BTBD10: variants seen among roughly 807,000 people sequenced by gnomAD.
BTBD10 encodes the protein BTB domain containing 10, also known as BTB/POZ domain-containing protein 10.
BTBD10 carries 21 observed loss-of-function variants against 53.2 expected under a neutral mutation model. The ratio of observed to expected loss-of-function variants is 0.39; its 90% confidence interval spans 0.28 to 0.57. BTBD10 has a LOEUF of 0.57. BTBD10 is among the 20% of genes least tolerant of loss of function. The pLI, the probability that BTBD10 is intolerant of heterozygous loss-of-function variation, is 0.53. For missense variants in BTBD10, 360 were observed against 594.7 expected, an observed-to-expected ratio of 0.61 and a Z score of 4.10; for synonymous variants, 149 against 192.7, an observed-to-expected ratio of 0.77 and a Z score of 1.88.
chr11:13,409,943 T>A (rs1030233721), intron 6 of BTBD10, among the ~76,000 whole-genome samples: 1 of 152,046 alleles, frequency 6.6e-6, no homozygotes, highest in South Asian at 2.1e-4. Flanking sequence ...TAGAAATGAA[T>A]AGTTGATCAG....
chr11:13,459,414 A>T (rs1951043523), intron 1 of BTBD10, among the ~76,000 whole-genome samples: 1 of 152,130 alleles, frequency 6.6e-6, no homozygotes, highest in South Asian at 2.1e-4. Flanking sequence ...TCTCAAAGTA[A>T]ACCCGAGCAA....
At chr11:13,449,801 C>T (rs2134044418) in intron 1 of BTBD10, among the ~76,000 whole-genome samples, 1 of 152,290 alleles carries the variant, frequency 6.6e-6, no homozygotes, top group East Asian at 1.9e-4. Context: ...GCTGGGCTCA[C>T]TTTTATAATA....
At chr11:13,422,446 G>A (rs886294217) in intron 2 of BTBD10, among the ~76,000 whole-genome samples, 13 of 152,022 alleles carry the variant, frequency 8.6e-5, no homozygotes, top group Admixed American at 3.9e-4. Context: ...TCAGGAGTTC[G>A]AGACCAGCCT....
At chr11:13,425,824 A>T (rs1014339149) in intron 2 of BTBD10, among the ~76,000 whole-genome samples, 3 of 152,206 alleles carry the variant, frequency 2.0e-5, no homozygotes, top group African/African-American at 7.2e-5. Context: ...ATGTATTGAA[A>T]TATCACTCAG....
At chr11:13,392,620 T>C (rs1949437847) in intron 8 of BTBD10, among the ~76,000 whole-genome samples, 1 of 152,064 alleles carries the variant, frequency 6.6e-6, no homozygotes, top group Non-Finnish European at 1.5e-5. Flanking sequence ...TGTATGCAGT[T>C]CCAGAAACAT....
chr11:13,451,285 T>C (rs949336538), intron 1 of BTBD10, among the ~76,000 whole-genome samples: 6 of 152,178 alleles, frequency 3.9e-5, no homozygotes, highest in Non-Finnish European at 8.8e-5. Context: ...CTAAGCTGAA[T>C]GTATTCCCCA....
chr11:13,438,526 T>C (rs1273667502), intron 2 of BTBD10, among the ~76,000 whole-genome samples: 3 of 152,030 alleles, frequency 2.0e-5, no homozygotes. Context: ...TTTAAAATTA[T>C]GCAATAGAAG....
intron 2 of BTBD10, among the ~76,000 whole-genome samples, chr11:13,428,609 A>G (rs1039461715): frequency 3.3e-5 from 5 of 152,200 alleles, no homozygotes; most frequent in African/African-American, 1.2e-4. Context: ...AAAACCACAA[A>G]TCTTAGAACA....
At chr11:13,435,771 G>A (rs1591152653) in intron 2 of BTBD10, among the ~76,000 whole-genome samples, 1 of 152,182 alleles carries the variant, frequency 6.6e-6, no homozygotes, top group East Asian at 1.9e-4. Context: ...AATTACAGGC[G>A]TGAGCCACCA....
At chr11:13,420,433 A>G (rs917917459) in intron 3 of BTBD10, among the ~76,000 whole-genome samples, 1 of 152,140 alleles carries the variant, frequency 6.6e-6, no homozygotes, top group Non-Finnish European at 1.5e-5. Context: ...ATGATCTATA[A>G]TTACAGTCTG....
chr11:13,421,806 T>C lies in BTBD10; in HGVS notation c.134A>G (p.Asp45Gly), dbSNP rs143512475. 2.5e-5 allele frequency: 40 copies of C among 1,613,434 alleles called. No homozygotes were observed. The African/African-American group carries it at 3.6e-4, about 15-fold the overall frequency. Reference protein sequence around the residue: ...TSSRIAKGGVDHTKMSLHGAS... With the variant: ...TSSRIAKGGVGHTKMSLHGAS... ...ACCATGTAGACTCATTTTGGTGTGG[T>C]CAACTCCTCCTTTAGCAATACGCGA... Residue 45 changes from aspartate to glycine, a missense_variant, in exon 3 of 9, where the codon GAC becomes GGC. Asp to Gly is a moderately conservative substitution (Grantham distance 94). This residue lies in a region of BTBD10 where 81 missense variants were observed against 82.6 expected (regional missense o/e 0.98). Coordinates refer to ENST00000278174, the MANE Select transcript of BTBD10 (RefSeq NM_032320.7).
chr11:13,419,808 T>C (rs979418409), intron 3 of BTBD10, 63 bp from the exon 4 acceptor site: 6 of 1,323,172 alleles, frequency 4.5e-6, no homozygotes, highest in Non-Finnish European at 6.2e-6. Flanking sequence ...GATTTATATA[T>C]ATCTTTTTAA....
intron 2 of BTBD10, among the ~76,000 whole-genome samples, chr11:13,423,523 G>T (rs775641210): frequency 6.6e-6 from 1 of 152,144 alleles, no homozygotes; most frequent in Non-Finnish European, 1.5e-5. Context: ...TGCAAGACTT[G>T]CTCAGGGTCA....
chr11:13,432,020 T>C (rs577995337), intron 2 of BTBD10, among the ~76,000 whole-genome samples: 15 of 152,186 alleles, frequency 9.9e-5, no homozygotes, highest in African/African-American at 3.1e-4. Context: ...TAGAATATTA[T>C]TCAGCAATTA....
At chr11:13,440,078 C>T in intron 2 of BTBD10, 1 of 1,525,408 alleles carries the variant, frequency 6.6e-7, no homozygotes, top group Non-Finnish European at 8.8e-7. Flanking sequence ...CAGAAAATTC[C>T]CCAGTCTCCC....
intron 2 of BTBD10, among the ~76,000 whole-genome samples, chr11:13,444,490 G>T (rs917131658): frequency 3.9e-5 from 6 of 151,976 alleles, no homozygotes; most frequent in African/African-American, 9.7e-5. Context: ...ATAGATAGAT[G>T]GCCTGAAACT....
At chr11:13,414,667 T>TA (rs1219721002) in intron 5 of BTBD10, among the ~76,000 whole-genome samples, 76 of 124,228 alleles carry the variant, frequency 6.1e-4, no homozygotes, top group East Asian at 1.3e-3. Context: ...ATAAAAATAA[T>TA]AAAAAAAAAA....
chr11:13,420,455 G>A lies in BTBD10; in HGVS notation c.299-710C>T, dbSNP rs560314872. On this transcript the variant is annotated intron_variant, in intron 3 of 8. Coordinates refer to ENST00000278174, the MANE Select transcript of BTBD10 (RefSeq NM_032320.7). Reference sequence around the variant, plus strand: ...ATAATTACAGTCTGTAATTTTCATAGGTAGAAAATATTGTTAAAATTCAGA... The same window carrying A: ...ATAATTACAGTCTGTAATTTTCATAAGTAGAAAATATTGTTAAAATTCAGA... Among the ~76,000 whole-genome samples, 59 of 151,732 alleles carry A rather than the reference G, an allele frequency of 3.9e-4. 1 individual carries two copies. The highest frequency in any genetic ancestry group is 2.5e-3 in the Admixed American group (38 of 15,220).
At position 13,413,480 on chromosome 11, in the gene BTBD10, C is replaced by T. The variant is rs1172932323; in HGVS notation, c.808+50G>A. The T allele has an allele frequency of 3.3e-6, 5 of 1,511,520 alleles. No individual in the cohort carries two copies. The South Asian group carries it at 5.3e-5, about 16-fold the overall frequency. The allele number at this position is 1,511,520 out of a possible 1,614,324, so 93.6% of individuals were successfully genotyped here. Reference sequence around the variant, plus strand: ...AGCACTAATTTCAGGCTTTTTGTTCCAATATATTCTAATTCTACAAACCAC... The same window carrying T: ...AGCACTAATTTCAGGCTTTTTGTTCTAATATATTCTAATTCTACAAACCAC... On this transcript the variant is annotated intron_variant, in intron 6 of 8. Transcript: ENST00000278174.
Sources: gnomAD v4.1 joint callset for allele counts (sites outside exome capture counted in the v4.1 genomes callset) on GRCh38, gnomAD v4.1.1 for gene constraint, gnomAD v4.1.1 regional missense constraint, MANE v1.5 for transcripts, NCBI Gene and HGNC (gene_info 2026-07-23, HGNC 2026-07-21) for gene names.